Variants in PCDHGB2 observed in about 807,000 individuals in gnomAD.
PCDHGB2 encodes the protein protocadherin gamma-B2.
In PCDHGB2, 55 loss-of-function variants were observed where a neutral mutation model predicts 59.3. The observed-to-expected ratio is 0.93, with a 90% CI of 0.75 to 1.16. The LOEUF is 1.16. Ranked by LOEUF, PCDHGB2 falls within the 50% of genes most tolerant of loss-of-function variation. The pLI is 0.00. For synonymous variants in PCDHGB2, 516 were observed against 512.0 expected (o/e 1.01, Z -0.11); for missense variants, 1,228 against 1,198.5 (o/e 1.02, Z -0.36).
intron 1 of PCDHGB2, chr5:141,388,970 A>G (rs1561622326): frequency 6.2e-7 from 1 of 1,613,928 alleles, no homozygotes; most frequent in East Asian, 2.2e-5. Flanking sequence ...AGCTGGGAAC[A>G]CATATTGCTT....
chr5:141,429,330 T>C (rs2097204620), intron 1 of PCDHGB2, among the ~76,000 whole-genome samples: 1 of 152,188 alleles, frequency 6.6e-6, no homozygotes, highest in East Asian at 1.9e-4. Flanking sequence ...CTTTAATCCA[T>C]TAACTATAAA....
At chr5:141,385,211 C>T (rs1781001155) in intron 1 of PCDHGB2, 1 of 1,614,082 alleles carries the variant, frequency 6.2e-7, no homozygotes, top group Admixed American at 1.7e-5. Flanking sequence ...CTGATCTTCC[C>T]CCAGCCCAAC....
In PCDHGB2 at chr5:141,511,217, C is replaced by A. The variant is rs766814445; in HGVS notation, c.*44C>A. On this transcript the variant is annotated 3_prime_UTR_variant, in exon 4 of 4. Transcript: ENST00000522605. ...AGCCACAGGGCGGCCTCTCCCCAAC[C>A]AGCCCAGCTTCTCCTTACCTGCACC... The A allele has an allele frequency of 2.5e-6, 4 of 1,607,588 alleles. No homozygotes were observed. Among genetic ancestry groups the A allele is most frequent in the Non-Finnish European group, 3.4e-6 (4 of 1,177,026 alleles).
chr5:141,438,760 C>T (rs1346379482), intron 1 of PCDHGB2, among the ~76,000 whole-genome samples: 4 of 148,802 alleles, frequency 2.7e-5, no homozygotes, highest in South Asian at 2.1e-4. Context: ...CTCCTGGGTT[C>T]AAGCGATTCT....
intron 1 of PCDHGB2, chr5:141,390,448 A>C (rs1023664408): frequency 3.5e-6 from 3 of 845,190 alleles, no homozygotes; most frequent in Non-Finnish European, 5.4e-6. Context: ...ACAAAGGAGG[A>C]GTAAAGTAGG....
intron 1 of PCDHGB2, 100 bp from the exon 2 acceptor site, chr5:141,494,707 G>A: frequency 2.5e-6 from 4 of 1,599,238 alleles, no homozygotes; most frequent in Non-Finnish European, 3.4e-6. Context: ...TCTTCTCTGT[G>A]CCCACTCCCC....
intron 1 of PCDHGB2, chr5:141,430,643 T>C (rs1432236231): frequency 2.1e-6 from 2 of 947,068 alleles, no homozygotes; most frequent in Non-Finnish European, 3.0e-6. Context: ...CCTGGGAGTA[T>C]GTGGAAACAA....
chr5:141,403,200 C>T (rs765799006), intron 1 of PCDHGB2: 1 of 1,613,982 alleles, frequency 6.2e-7, no homozygotes, highest in South Asian at 1.1e-5. Flanking sequence ...CGCAGCGGCA[C>T]CTTGGTCACC....
At chr5:141,427,818 G>A (rs1356936077) in intron 1 of PCDHGB2, 3 of 1,530,644 alleles carry the variant, frequency 2.0e-6, no homozygotes, top group Non-Finnish European at 2.7e-6. Context: ...GAGCGGGGTG[G>A]TGGTCGCGCA....
At chr5:141,481,811 G>A (rs1050821120) in intron 1 of PCDHGB2, among the ~76,000 whole-genome samples, 1 of 151,892 alleles carries the variant, frequency 6.6e-6, no homozygotes. Context: ...AATTCACCAG[G>A]CGTGGTGGCT....
intron 1 of PCDHGB2, chr5:141,410,671 C>T: frequency 1.3e-6 from 2 of 1,563,260 alleles, no homozygotes; most frequent in Non-Finnish European, 1.7e-6. Context: ...ACTAGTTTCT[C>T]ATATTTTAGG....
At chr5:141,365,935 C>T (rs1191838027) in intron 1 of PCDHGB2, 1 of 1,614,222 alleles carries the variant, frequency 6.2e-7, no homozygotes, top group Non-Finnish European at 8.5e-7. Context: ...TGACAGCCAG[C>T]GACAGTGGGA....
chr5:141,394,362 C>T, intron 1 of PCDHGB2: 1 of 1,614,174 alleles, frequency 6.2e-7, no homozygotes, highest in Non-Finnish European at 8.5e-7. Flanking sequence ...CCTGTATGCG[C>T]TGCAATCTTT....
intron 1 of PCDHGB2, among the ~76,000 whole-genome samples, chr5:141,436,292 G>T (rs2097808605): frequency 6.6e-6 from 1 of 152,158 alleles, no homozygotes; most frequent in Non-Finnish European, 1.5e-5. Context: ...ACAAATCATT[G>T]AGAGTTAGAG....
intron 1 of PCDHGB2, chr5:141,384,502 C>A: frequency 6.2e-7 from 1 of 1,614,194 alleles, no homozygotes; most frequent in Non-Finnish European, 8.5e-7. Context: ...AGTGACTGCA[C>A]ATGACAGCGG....
Position 141,361,485 on chromosome 5 carries a change from A to T in PCDHGB2, c.1350A>T (p.Pro450=), listed in dbSNP as rs1762045132. ...LHISDVNDNA[P]VFQQTSYMVH... ...TCTCCGACGTCAACGATAATGCCCC[A>T]GTTTTCCAACAGACTTCCTACATGG... is the stretch of plus-strand genomic sequence containing the variant. Residue 450 remains proline (P), a synonymous_variant, in exon 1 of 4, where the codon CCA becomes CCT. Coordinates refer to ENST00000522605, the MANE Select transcript of PCDHGB2 (RefSeq NM_018923.3). The T allele has an allele frequency of 2.5e-6, 4 of 1,614,034 alleles. No individual in the cohort carries two copies. Among genetic ancestry groups the T allele is most frequent in the Non-Finnish European group, 3.4e-6 (4 of 1,179,894 alleles).
In PCDHGB2 at chr5:141,477,070, T is replaced by A; in HGVS notation, c.2422-17737T>A. 6.2e-7 allele frequency: 1 copy of A among 1,613,342 alleles called. No individual in the cohort carries two copies. The highest frequency in any genetic ancestry group is 8.5e-7 in the Non-Finnish European group (1 of 1,179,244). ...TGGACTTCGAGGACACCAAACTCCATGAGATTTACATCCAGGCCAAAGACA... is the reference window on the plus strand; with the variant it reads ...TGGACTTCGAGGACACCAAACTCCAAGAGATTTACATCCAGGCCAAAGACA... On this transcript the variant is annotated intron_variant, in intron 1 of 3. Coordinates refer to ENST00000522605, the MANE Select transcript of PCDHGB2 (RefSeq NM_018923.3). The surrounding 1 kb of genome is among the most constrained non-coding windows in gnomAD (Gnocchi z 4.9).
intron 1 of PCDHGB2, chr5:141,383,199 G>T (rs574670513): frequency 6.2e-7 from 1 of 1,614,040 alleles, no homozygotes; most frequent in South Asian, 1.1e-5. Flanking sequence ...CTCAGAGTGC[G>T]CGGTGTCTGG....
intron 1 of PCDHGB2, chr5:141,389,657 G>C (rs372714152): frequency 8.1e-6 from 13 of 1,612,432 alleles, no homozygotes; most frequent in African/African-American, 2.7e-5. Context: ...AGGTAGTGGC[G>C]GTGGACGCAG....
Sources: allele counts gnomAD v4.1 joint callset (sites outside exome capture counted in the v4.1 genomes callset), GRCh38; gene constraint gnomAD v4.1.1; non-coding constraint Gnocchi (gnomAD v3.1); transcripts MANE v1.5; gene names NCBI Gene and HGNC (gene_info 2026-07-23, HGNC 2026-07-21).